Variants in SAMD12 observed in about 807,000 individuals in gnomAD.
SAMD12 encodes sterile alpha motif domain containing 12, also known as sterile alpha motif domain-containing protein 12.
Under a neutral mutation model 15.0 loss-of-function variants are expected in SAMD12, and 9 were observed. That is an observed-to-expected ratio of 0.60 (90% CI 0.36 to 1.05). The LOEUF is 1.05. Among genes scored for constraint, SAMD12 ranks in the 50% least tolerant of loss-of-function variants. SAMD12 has a pLI of 0.01. For synonymous variants in SAMD12, 86 were observed against 90.1 expected (o/e 0.96, Z 0.25); for missense variants, 230 against 234.2 (o/e 0.98, Z 0.12).
At chr8:118,165,845 T>C in the SAMD12 span, among the ~76,000 whole-genome samples, 1 of 152,086 alleles carries the variant, frequency 6.6e-6, no homozygotes, top group Admixed American at 6.6e-5. Flanking sequence ...GTCCAGTTTT[T>C]CCCAACTTTT....
intron 3 of SAMD12, among the ~76,000 whole-genome samples, chr8:118,428,748 T>C (rs1334213045): frequency 6.6e-6 from 1 of 152,188 alleles, no homozygotes; most frequent in African/African-American, 2.4e-5. Context: ...TTTGGCCATA[T>C]ATGTGTGAGT....
At chr8:118,503,615 T>C (rs534707886) in intron 2 of SAMD12, among the ~76,000 whole-genome samples, 3 of 152,278 alleles carry the variant, frequency 2.0e-5, no homozygotes, top group South Asian at 2.1e-4. Context: ...TCTAAGGAAA[T>C]TGAGAAAGTG....
intron 2 of SAMD12, among the ~76,000 whole-genome samples, chr8:118,531,262 G>A (rs1020808677): frequency 3.9e-5 from 6 of 152,122 alleles, no homozygotes; most frequent in Non-Finnish European, 8.8e-5. Context: ...TATTTCTGAG[G>A]CTTCTATTCT....
chr8:118,483,555 T>G (rs536620825), intron 2 of SAMD12, among the ~76,000 whole-genome samples: 1 of 152,316 alleles, frequency 6.6e-6, no homozygotes, highest in East Asian at 1.9e-4. Context: ...TAGTAAGTAG[T>G]CAACTTTGAT....
At chr8:118,422,325 C>T (rs567522846) in intron 3 of SAMD12, among the ~76,000 whole-genome samples, 4 of 152,216 alleles carry the variant, frequency 2.6e-5, no homozygotes, top group Admixed American at 6.5e-5. Flanking sequence ...ACTTTAATAT[C>T]GTGATAAATG....
chr8:118,222,753 C>G (rs1405880754), intron 4 of SAMD12, among the ~76,000 whole-genome samples: 1 of 152,130 alleles, frequency 6.6e-6, no homozygotes, highest in East Asian at 1.9e-4. Flanking sequence ...GATCCACCCA[C>G]CTCAGCCTCC....
At chr8:118,585,891 G>C (rs1827426072) in intron 1 of SAMD12, among the ~76,000 whole-genome samples, 1 of 152,164 alleles carries the variant, frequency 6.6e-6, no homozygotes, top group African/African-American at 2.4e-5. Flanking sequence ...GAAGAGTTGA[G>C]GGGTGCATTG....
chr8:118,416,781 A>T (rs1821715415), intron 3 of SAMD12, among the ~76,000 whole-genome samples: 1 of 152,220 alleles, frequency 6.6e-6, no homozygotes, highest in Non-Finnish European at 1.5e-5. Flanking sequence ...TTCAATCCTT[A>T]GCATCTATAT....
At chr8:118,389,965 C>T (rs2450211) in intron 3 of SAMD12, among the ~76,000 whole-genome samples, 11,424 of 151,996 alleles carry the variant, frequency 0.075, 498 homozygotes, top group East Asian at 0.23. Context: ...AAACAAATTA[C>T]GTATATATGG....
chr8:118,581,630 A>G (rs1452175680), intron 1 of SAMD12, among the ~76,000 whole-genome samples: 1 of 152,038 alleles, frequency 6.6e-6, no homozygotes, highest in East Asian at 1.9e-4. Flanking sequence ...CCTAAAGCTG[A>G]TTTTCTGGGG....
At chr8:118,157,427 A>G in the SAMD12 span, among the ~76,000 whole-genome samples, 1 of 152,232 alleles carries the variant, frequency 6.6e-6, no homozygotes, top group African/African-American at 2.4e-5. Flanking sequence ...AAGGTCAGGA[A>G]TGGAATTGGT....
intron 4 of SAMD12, among the ~76,000 whole-genome samples, chr8:118,311,834 G>A (rs909661328): frequency 7.2e-5 from 11 of 152,042 alleles, no homozygotes; most frequent in South Asian, 2.1e-4. Flanking sequence ...TTTTGATCAC[G>A]AAGGCTTTTT....
chr8:118,251,451 C>T (rs1022162691), intron 4 of SAMD12, among the ~76,000 whole-genome samples: 12 of 152,042 alleles, frequency 7.9e-5, no homozygotes, highest in African/African-American at 2.7e-4. Context: ...ATCTTGCACC[C>T]GAAGTTTTCC....
chr8:118,207,237 C>T (rs1048283960), intron 4 of SAMD12, among the ~76,000 whole-genome samples: 8 of 152,214 alleles, frequency 5.3e-5, no homozygotes, highest in African/African-American at 1.9e-4. Flanking sequence ...GAGCTAGAAG[C>T]CTGGTGACAA....
At chr8:118,161,092 T>G in the SAMD12 span, among the ~76,000 whole-genome samples, 4 of 152,158 alleles carry the variant, frequency 2.6e-5, no homozygotes, top group African/African-American at 9.7e-5. Context: ...TGGTTTCCAG[T>G]TTCATCCATG....
At chr8:118,464,833 C>G (rs1823542861) in intron 2 of SAMD12, among the ~76,000 whole-genome samples, 2 of 152,076 alleles carry the variant, frequency 1.3e-5, no homozygotes, top group South Asian at 4.1e-4. Flanking sequence ...AAAGATTTAT[C>G]CCACCATAAG....
intron 3 of SAMD12, among the ~76,000 whole-genome samples, chr8:118,380,370 G>A (rs1479421857): frequency 5.9e-5 from 9 of 152,088 alleles, no homozygotes; most frequent in African/African-American, 9.7e-5. Flanking sequence ...GGGTAAAAGG[G>A]CATCCAAAGA....
intron 4 of SAMD12, among the ~76,000 whole-genome samples, chr8:118,354,245 C>T (rs1818110109): frequency 6.6e-6 from 1 of 152,148 alleles, no homozygotes; most frequent in South Asian, 2.1e-4. Flanking sequence ...ACTATGCAAC[C>T]ACTATTCCAA....
chr8:118,248,083 G>T (rs1680682208), intron 4 of SAMD12, among the ~76,000 whole-genome samples: 1 of 151,992 alleles, frequency 6.6e-6, no homozygotes, highest in Admixed American at 6.6e-5. Flanking sequence ...TAAAAGTTCA[G>T]GTAAGAGATA....
Sources: gnomAD v4.1 joint callset for allele counts (sites outside exome capture counted in the v4.1 genomes callset) on GRCh38, gnomAD v4.1.1 for gene constraint, MANE v1.5 for transcripts, NCBI Gene and HGNC (gene_info 2026-07-23, HGNC 2026-07-21) for gene names.